GBF1: variants seen among roughly 807,000 people sequenced by gnomAD.
The protein encoded by GBF1 is golgi brefeldin A resistant guanine nucleotide exchange factor 1.
Under a neutral mutation model 210.5 loss-of-function variants are expected in GBF1, and 114 were observed. The observed-to-expected ratio is 0.54, with a 90% confidence interval of 0.47 to 0.63. The LOEUF (loss-of-function observed/expected upper bound fraction) is 0.63, where lower values mean the gene tolerates loss of function less well. GBF1 is among the 30% of genes least tolerant of loss of function. The pLI is 0.00. For missense variants in GBF1, 1,851 were observed against 2,357.7 expected, an observed-to-expected ratio of 0.79 and a Z score of 4.45; for synonymous variants, 850 against 889.2, an observed-to-expected ratio of 0.96 and a Z score of 0.78.
At chr10:102,294,848 T>C (rs150472701) in intron 3 of GBF1, among the ~76,000 whole-genome samples, 298 of 152,314 alleles carry the variant, frequency 2.0e-3, no homozygotes, top group African/African-American at 6.8e-3. Context: ...AGATATGTAG[T>C]AGGCTATACC....
the GBF1 span, among the ~76,000 whole-genome samples, chr10:102,233,216 A>G: frequency 6.6e-6 from 1 of 150,978 alleles, no homozygotes; most frequent in East Asian, 1.9e-4. Flanking sequence ...CTGCGGTTCT[A>G]GCCTGGCCTT....
chr10:102,231,572 G>T, the GBF1 span: 4 of 1,546,514 alleles, frequency 2.6e-6, no homozygotes, highest in Non-Finnish European at 3.5e-6. Context: ...GCGAGTCGCG[G>T]GTCTGGAGAG....
chr10:102,251,904 G>T (rs2071587837), intron 1 of GBF1, among the ~76,000 whole-genome samples: 1 of 152,128 alleles, frequency 6.6e-6, no homozygotes, highest in African/African-American at 2.4e-5. Flanking sequence ...GCCGGGCATG[G>T]TAGTTCATGC....
chr10:102,360,765 C>G (rs11191269), intron 12 of GBF1, among the ~76,000 whole-genome samples: 24,226 of 152,136 alleles, frequency 0.16, 2,270 homozygotes, highest in East Asian at 0.25. Context: ...ATCACGAGGT[C>G]AGGAGATTGA....
rs371072103 is a variant in GBF1, at chr10:102,363,272, C to T, written c.1893C>T (p.Ser631=). The part of the protein sequence containing the change: ...REASNTERTA[S]DGKAVGMASD... The stretch of plus-strand genomic sequence containing the variant: ...TCTTACCAGCTGAGAGAACTGCCAG[C>T]GATGGGAAAGCTGTAGGCATGGCCT... The change falls in exon 16 of 40, where the codon AGC becomes AGT. Residue 631 remains serine, a synonymous_variant. Coordinates refer to ENST00000369983, the MANE Select transcript of GBF1 (RefSeq NM_001377137.1). This position sits in a 1 kb window ranked among gnomAD's most constrained non-coding sequence, Gnocchi z 4.2. 6.8e-6 allele frequency: 11 copies of T among 1,612,578 alleles called. No homozygotes were observed. The highest frequency in any genetic ancestry group is 1.7e-6 in the Non-Finnish European group (2 of 1,179,328).
At chr10:102,310,020 G>A (rs1462820531) in intron 3 of GBF1, among the ~76,000 whole-genome samples, 1 of 152,172 alleles carries the variant, frequency 6.6e-6, no homozygotes, top group Non-Finnish European at 1.5e-5. Flanking sequence ...CATCTTTTCT[G>A]TTGGGCTTGA....
intron 3 of GBF1, among the ~76,000 whole-genome samples, chr10:102,311,488 C>T (rs1392766320): frequency 6.6e-6 from 1 of 152,178 alleles, no homozygotes; most frequent in Non-Finnish European, 1.5e-5. Flanking sequence ...TACACATTCC[C>T]ATCTTTTTCT....
At chr10:102,244,255 C>G (rs138724629), upstream of GBF1, among the ~76,000 whole-genome samples, 1,985 of 152,324 alleles carry the variant, frequency 0.013, 24 homozygotes, top group Middle Eastern at 0.041. Flanking sequence ...TATAGAGCTT[C>G]CCTGGACTTG....
upstream of GBF1, among the ~76,000 whole-genome samples, chr10:102,242,734 C>T (rs2070569800): frequency 6.6e-6 from 1 of 152,040 alleles, no homozygotes. Flanking sequence ...TGAGACCACC[C>T]TGGCTAACAC....
intron 29 of GBF1, among the ~76,000 whole-genome samples, chr10:102,374,922 G>A (rs1191115472): frequency 3.3e-5 from 5 of 151,968 alleles, no homozygotes; most frequent in African/African-American, 7.3e-5. Flanking sequence ...TATAATCCCA[G>A]CACTTCAGGA....
At chr10:102,282,544 CA>C (rs1160409706) in intron 3 of GBF1, among the ~76,000 whole-genome samples, 2 of 152,138 alleles carry the variant, frequency 1.3e-5, no homozygotes, top group East Asian at 3.9e-4. Context: ...GACAAATTAA[CA>C]TTATTATTTT....
chr10:102,354,128 G>A (rs1835766074), intron 8 of GBF1, among the ~76,000 whole-genome samples: 1 of 152,180 alleles, frequency 6.6e-6, no homozygotes, highest in African/African-American at 2.4e-5. Flanking sequence ...GAGAAGAATA[G>A]TGGTCAAAAG....
intron 2 of GBF1, 73 bp from the exon 3 acceptor site, chr10:102,259,977 C>A: frequency 2.5e-6 from 2 of 812,456 alleles, no homozygotes; most frequent in South Asian, 1.5e-5. Flanking sequence ...AGAAAGAGCC[C>A]TTGATCTGTC....
intron 3 of GBF1, among the ~76,000 whole-genome samples, chr10:102,307,186 T>C (rs2133917288): frequency 6.6e-6 from 1 of 152,332 alleles, no homozygotes; most frequent in South Asian, 2.1e-4. Flanking sequence ...CCCACACTTT[T>C]GTTCCTGTTA....
At position 102,381,121 on chromosome 10, in the gene GBF1, C is replaced by G; in HGVS notation, c.5174-6C>G. The G allele has an allele frequency of 6.2e-7, 1 of 1,613,682 alleles. No individual in the cohort carries two copies. Among genetic ancestry groups the G allele is most frequent in the Non-Finnish European group, 8.5e-7 (1 of 1,179,738 alleles). ...AGGTGCCATCTCAATTCTCTACCGT[C>G]TCCAGACCCCATGCCCATGGAGCCT... On this transcript the variant is annotated splice_polypyrimidine_tract_variant and splice_region_variant and intron_variant, in intron 38 of 39. Coordinates refer to ENST00000369983, the MANE Select transcript of GBF1 (RefSeq NM_001377137.1).
chr10:102,283,216 T>C (rs1199488808), intron 3 of GBF1, among the ~76,000 whole-genome samples: 1 of 152,150 alleles, frequency 6.6e-6, no homozygotes, highest in Non-Finnish European at 1.5e-5. Context: ...GTAGAGCCAT[T>C]TTAATTAATG....
At chr10:102,284,335 A>C (rs1189801986) in intron 3 of GBF1, among the ~76,000 whole-genome samples, 1 of 152,214 alleles carries the variant, frequency 6.6e-6, no homozygotes, top group Non-Finnish European at 1.5e-5. Context: ...CATTTAGTAC[A>C]TTCACAATGT....
chr10:102,372,141 G>A (rs1201737414), intron 29 of GBF1, among the ~76,000 whole-genome samples: 1 of 151,456 alleles, frequency 6.6e-6, no homozygotes, highest in Non-Finnish European at 1.5e-5. Flanking sequence ...AACCTGGGAG[G>A]CGGAGGTTGC....
upstream of GBF1, among the ~76,000 whole-genome samples, chr10:102,244,889 C>T (rs1451279415): frequency 6.6e-6 from 1 of 152,152 alleles, no homozygotes; most frequent in Non-Finnish European, 1.5e-5. Flanking sequence ...GCTTCTGCTA[C>T]GTCCCATTTT....
Sources: gnomAD v4.1 joint callset for allele counts (sites outside exome capture counted in the v4.1 genomes callset) on GRCh38, gnomAD v4.1.1 for gene constraint, Gnocchi (gnomAD v3.1) non-coding constraint, MANE v1.5 for transcripts, NCBI Gene and HGNC (gene_info 2026-07-23, HGNC 2026-07-21) for gene names.